The following OPCML variants were observed in gnomAD, a reference collection of about 807,000 sequenced individuals.
The protein encoded by OPCML is opioid-binding protein/cell adhesion molecule.
A neutral mutation model predicts 37.8 loss-of-function variants in OPCML; 13 were observed. The observed-to-expected ratio is 0.34, with a 90% CI of 0.22 to 0.55. The LOEUF (loss-of-function observed/expected upper bound fraction) is 0.55. Ranked by LOEUF, OPCML falls within the 20% of genes least tolerant of loss-of-function variation. OPCML has a pLI of 0.91. For missense variants in OPCML, 341 were observed against 435.6 expected (o/e 0.78, Z 1.93); for synonymous variants, 176 against 168.8 (o/e 1.04, Z -0.33).
At chr11:132,668,326 A>G (rs1335958365) in intron 2 of OPCML, among the ~76,000 whole-genome samples, 3 of 152,212 alleles carry the variant, frequency 2.0e-5, no homozygotes, top group Non-Finnish European at 4.4e-5. Context: ...TAGAGATAAT[A>G]TTAATATATT....
chr11:133,086,869 A>G lies in OPCML; in HGVS notation c.62-143859T>C, dbSNP rs77468508. On this transcript the variant is annotated intron_variant, in intron 1 of 7. Transcript: ENST00000524381. ...CTGTGTCTGGCTTATTTTGCTTAGCATATTCTCCAGGTTCATTCATGTTGT... is the reference window on the plus strand; with the variant it reads ...CTGTGTCTGGCTTATTTTGCTTAGCGTATTCTCCAGGTTCATTCATGTTGT... Among the ~76,000 whole-genome samples, 1,042 of 152,328 alleles carry G rather than the reference A, an allele frequency of 6.8e-3. 15 individuals carry two copies. The highest frequency in any genetic ancestry group is 0.024 in the African/African-American group (995 of 41,564).
At chr11:133,361,540 G>A (rs1168138366) in intron 1 of OPCML, 7 of 156,482 alleles carry the variant, frequency 4.5e-5, no homozygotes, top group South Asian at 3.2e-4. Context: ...GTCCCGGCGC[G>A]CAGACAGGTC....
At position 132,660,132 on chromosome 11, in the gene OPCML, T is replaced by A. The variant is rs145504429; in HGVS notation, c.147-2813A>T. The stretch of plus-strand genomic sequence containing the variant: ...AACTTACTAGAAATATAGCTTTTAA[T>A]AAGAGGGATAGGCCCCTTTTTTTAA... On this transcript the variant is annotated intron_variant, in intron 2 of 7. Transcript: ENST00000524381. 4.1e-3 allele frequency among the ~76,000 whole-genome samples: 631 copies of A among 152,318 alleles called. 3 individuals carry two copies. The highest frequency in any genetic ancestry group is 0.013 in the African/African-American group (532 of 41,578).
At chr11:133,508,831 C>CA (rs1290166918) in intron 1 of OPCML, among the ~76,000 whole-genome samples, 2 of 152,188 alleles carry the variant, frequency 1.3e-5, no homozygotes, top group Non-Finnish European at 2.9e-5. Context: ...CAAGAATGAA[C>CA]ACTTGCTGTG....
intron 2 of OPCML, among the ~76,000 whole-genome samples, chr11:132,738,126 G>T (rs1003331249): frequency 6.6e-6 from 1 of 152,144 alleles, no homozygotes; most frequent in African/African-American, 2.4e-5. Flanking sequence ...CGCTAGAGTG[G>T]GAAGCATTGC....
intron 1 of OPCML, among the ~76,000 whole-genome samples, chr11:133,126,489 C>A (rs1316752148): frequency 6.6e-6 from 1 of 152,140 alleles, no homozygotes; most frequent in Non-Finnish European, 1.5e-5. Flanking sequence ...TAAAATTAAT[C>A]ATCACAAACA....
intron 2 of OPCML, among the ~76,000 whole-genome samples, chr11:132,918,436 C>T (rs7930486): frequency 0.22 from 34,177 of 152,144 alleles, 6,468 homozygotes; most frequent in African/African-American, 0.51. Context: ...TGACTTCCAT[C>T]ATCATTAATT....
At chr11:132,449,570 AG>A (rs1194438071) in intron 4 of OPCML, among the ~76,000 whole-genome samples, 1 of 152,182 alleles carries the variant, frequency 6.6e-6, no homozygotes, top group African/African-American at 2.4e-5. Flanking sequence ...CAGAGCAACC[AG>A]GAAAGGGGCT....
At chr11:132,994,443 G>GCTCGCCGTGCAGGCGC (rs1218175789) in intron 1 of OPCML, among the ~76,000 whole-genome samples, 5 of 152,308 alleles carry the variant, frequency 3.3e-5, no homozygotes, top group Admixed American at 3.3e-4. Context: ...GCTGCTGGGG[G>GCTCGCCGTGCAGGCGC]CTCGCCGTGC....
rs144117235 is a variant in OPCML, at chr11:133,118,508, G to T, written c.62-175498C>A. ...TTTGGTCAAGGAGACAGGATGGAGA[G>T]AATTGCTCAGTAGCAAGACTCATGG... is the stretch of plus-strand genomic sequence containing the variant. On this transcript the variant is annotated intron_variant, in intron 1 of 7. Coordinates refer to ENST00000524381, the MANE Select transcript of OPCML (RefSeq NM_001012393.5). 2.8e-3 allele frequency: 2,024 copies of T among 715,340 alleles called. 33 individuals carry two copies. In the African/African-American group the frequency reaches 0.037, roughly 13 times the overall value. The allele number at this position is 715,340 out of a possible 1,614,324, so 44.3% of individuals were successfully genotyped here. A position where few individuals can be genotyped will look rare whatever the true frequency, so the allele number is the denominator to read the frequency against.
chr11:133,415,837 C>T (rs186795686), intron 1 of OPCML, among the ~76,000 whole-genome samples: 2 of 152,244 alleles, frequency 1.3e-5, no homozygotes, highest in South Asian at 2.1e-4. Context: ...CCCCGTGATA[C>T]GGAAGTCCAT....
intron 1 of OPCML, among the ~76,000 whole-genome samples, chr11:133,382,534 C>T (rs1944952409): frequency 6.6e-6 from 1 of 152,184 alleles, no homozygotes; most frequent in Non-Finnish European, 1.5e-5. Flanking sequence ...ACATCACTGC[C>T]CAGGCAGCCG....
At chr11:132,748,923 G>C (rs1945739420) in intron 2 of OPCML, among the ~76,000 whole-genome samples, 3 of 152,192 alleles carry the variant, frequency 2.0e-5, no homozygotes, top group Admixed American at 6.5e-5. Context: ...GGTAGAATTG[G>C]TGGGACATGT....
intron 1 of OPCML, among the ~76,000 whole-genome samples, chr11:133,044,257 A>T (rs1947962508): frequency 1.3e-5 from 2 of 152,194 alleles, no homozygotes; most frequent in Admixed American, 1.3e-4. Flanking sequence ...TGGGAGCTAG[A>T]GAAAGGGGTA....
intron 1 of OPCML, among the ~76,000 whole-genome samples, chr11:133,475,460 C>T (rs1947220334): frequency 6.6e-6 from 1 of 152,136 alleles, no homozygotes; most frequent in African/African-American, 2.4e-5. Context: ...CCACAACATC[C>T]AGCCTATGCT....
chr11:133,129,509 G>A (rs1239294657), intron 1 of OPCML, among the ~76,000 whole-genome samples: 1 of 152,100 alleles, frequency 6.6e-6, no homozygotes, highest in East Asian at 1.9e-4. Flanking sequence ...TGTATCCCAG[G>A]ACAAAGGTCA....
chr11:133,479,958 C>A (rs1321267052), intron 1 of OPCML, among the ~76,000 whole-genome samples: 1 of 152,194 alleles, frequency 6.6e-6, no homozygotes, highest in Non-Finnish European at 1.5e-5. Context: ...CCCAAGGAGC[C>A]AGCCCGGGAG....
chr11:132,759,716 C>G (rs1221078624), intron 2 of OPCML, among the ~76,000 whole-genome samples: 1 of 146,124 alleles, frequency 6.8e-6, no homozygotes, highest in Non-Finnish European at 1.5e-5. Context: ...GGCTAGCAAT[C>G]TATCTATTTT....
intron 1 of OPCML, chr11:133,024,613 A>G: frequency 2.1e-6 from 2 of 957,764 alleles, no homozygotes; most frequent in South Asian, 4.8e-5. Context: ...TGCAACTTGC[A>G]AAACATGTCA....
Sources: allele counts gnomAD v4.1 joint callset (sites outside exome capture counted in the v4.1 genomes callset), GRCh38; gene constraint gnomAD v4.1.1; transcripts MANE v1.5; gene names NCBI Gene and HGNC (gene_info 2026-07-23, HGNC 2026-07-21).